Variants in DLG2 observed in about 807,000 individuals in gnomAD.
DLG2 encodes discs large MAGUK scaffold protein 2, also known as disks large homolog 2.
Under a neutral mutation model 132.5 loss-of-function variants are expected in DLG2, and 45 were observed. The observed-to-expected ratio is 0.34, with a 90% CI of 0.27 to 0.44. The LOEUF (loss-of-function observed/expected upper bound fraction) is 0.44, where lower values mean the gene tolerates loss of function less well. Ranked by LOEUF, DLG2 falls within the 20% of genes least tolerant of loss-of-function variation. DLG2 has a pLI of 1.00. For missense variants in DLG2, 1,045 were observed against 1,196.9 expected, an observed-to-expected ratio of 0.87 and a Z score of 1.87; for synonymous variants, 424 against 419.6, an observed-to-expected ratio of 1.01 and a Z score of -0.13.
chr11:84,496,716 A>G (rs757750581), intron 7 of DLG2, among the ~76,000 whole-genome samples: 1 of 152,180 alleles, frequency 6.6e-6, no homozygotes, highest in Non-Finnish European at 1.5e-5. Flanking sequence ...TTAGTATTAC[A>G]TGATTTCCAA....
intron 6 of DLG2, among the ~76,000 whole-genome samples, chr11:84,552,746 C>T (rs1363102358): frequency 6.6e-6 from 1 of 152,128 alleles, no homozygotes; most frequent in African/African-American, 2.4e-5. Flanking sequence ...TGAATATTAG[C>T]CACCTAGTAA....
At chr11:84,524,678 G>A (rs530058681) in intron 7 of DLG2, among the ~76,000 whole-genome samples, 22 of 152,114 alleles carry the variant, frequency 1.4e-4, no homozygotes, top group African/African-American at 5.1e-4. Context: ...AGAAATGAAA[G>A]GATTTTACAC....
intron 18 of DLG2, among the ~76,000 whole-genome samples, chr11:83,634,828 T>G (rs1363572770): frequency 6.6e-6 from 1 of 152,202 alleles, no homozygotes; most frequent in African/African-American, 2.4e-5. Flanking sequence ...TAAATATTTT[T>G]AAAGTTTAGT....
intron 6 of DLG2, among the ~76,000 whole-genome samples, chr11:84,673,795 T>G (rs1228093146): frequency 6.6e-6 from 1 of 152,032 alleles, no homozygotes; most frequent in Non-Finnish European, 1.5e-5. Context: ...TTTAAAAGGA[T>G]AACTTATAGG....
At chr11:85,398,684 T>C (rs1328179110) in intron 3 of DLG2, among the ~76,000 whole-genome samples, 1 of 151,916 alleles carries the variant, frequency 6.6e-6, no homozygotes, top group Non-Finnish European at 1.5e-5. Context: ...CTAGAAGAAA[T>C]GGATAAATTC....
chr11:84,979,828 C>CA (rs1330307193), intron 6 of DLG2, among the ~76,000 whole-genome samples: 261 of 145,254 alleles, frequency 1.8e-3, no homozygotes, highest in African/African-American at 4.6e-3. Flanking sequence ...AATCCTCCTT[C>CA]AAAAAAAAAA....
chr11:84,676,864 A>T (rs2099712912), intron 6 of DLG2, among the ~76,000 whole-genome samples: 1 of 151,978 alleles, frequency 6.6e-6, no homozygotes, highest in East Asian at 1.9e-4. Context: ...TGTAGGAGTA[A>T]ATTAGGATGG....
intron 2 of DLG2, among the ~76,000 whole-genome samples, chr11:85,623,901 A>G (rs1448127584): frequency 6.6e-6 from 1 of 152,220 alleles, no homozygotes; most frequent in East Asian, 1.9e-4. Flanking sequence ...ATAACACACT[A>G]TGGTCTTGCA....
rs186365433 is a variant in DLG2 at position 84,641,940 on chromosome 11, T to C, written c.358-107209A>G. On this transcript the variant is annotated intron_variant, in intron 6 of 27. Coordinates refer to ENST00000376104, the MANE Select transcript of DLG2 (RefSeq NM_001142699.3). ...TATGTTATATATACACACACACACA[T>C]ACACACATCCATACGTATATATGTA... Among the ~76,000 whole-genome samples the C allele has an allele frequency of 3.7e-3, 557 of 150,900 alleles. 3 individuals are homozygous for C. Among genetic ancestry groups the C allele is most frequent in the African/African-American group, 0.013 (540 of 41,194 alleles).
At chr11:84,185,140 G>T (rs7951073) in intron 8 of DLG2, among the ~76,000 whole-genome samples, 10 of 151,772 alleles carry the variant, frequency 6.6e-5, no homozygotes, top group Non-Finnish European at 1.0e-4. Context: ...GGATGGCATT[G>T]AATCTATAAA....
At chr11:84,070,982 C>T (rs2096747787) in intron 10 of DLG2, among the ~76,000 whole-genome samples, 1 of 152,338 alleles carries the variant, frequency 6.6e-6, no homozygotes, top group Non-Finnish European at 1.5e-5. Flanking sequence ...CAAATAATTT[C>T]ATCACCAGAA....
At chr11:85,423,850 G>T (rs2090507633) in intron 3 of DLG2, among the ~76,000 whole-genome samples, 1 of 152,054 alleles carries the variant, frequency 6.6e-6, no homozygotes, top group Admixed American at 6.6e-5. Flanking sequence ...CCCACTACCT[G>T]CATCCCAGCT....
chr11:84,120,351 C>T (rs568748319), intron 9 of DLG2, among the ~76,000 whole-genome samples: 4 of 152,168 alleles, frequency 2.6e-5, no homozygotes, highest in Admixed American at 1.3e-4. Flanking sequence ...CTTGTCTACC[C>T]CATTTATTTC....
intron 19 of DLG2, among the ~76,000 whole-genome samples, chr11:83,565,265 CTTAACTCACATCTCAAACTG>C (rs543301597): frequency 1.4e-4 from 22 of 152,296 alleles, no homozygotes; most frequent in South Asian, 1.0e-3. Context: ...TATCTGCATC[CTTAACTCACATCTCAAACTG>C]TTCACTCAGC....
At chr11:83,753,693 AATAT>A (rs1221146049) in intron 18 of DLG2, among the ~76,000 whole-genome samples, 1 of 138,766 alleles carries the variant, frequency 7.2e-6, no homozygotes, top group African/African-American at 2.9e-5. Context: ...ATCAATTTAA[AATAT>A]ATATAGTGTC....
At chr11:85,468,028 T>C (rs996620795) in intron 3 of DLG2, among the ~76,000 whole-genome samples, 4 of 152,186 alleles carry the variant, frequency 2.6e-5, no homozygotes, top group Non-Finnish European at 5.9e-5. Flanking sequence ...TTCTTCCTGG[T>C]TTAGTCTTGG....
intron 3 of DLG2, among the ~76,000 whole-genome samples, chr11:85,422,702 G>C (rs1302439025): frequency 4.6e-5 from 7 of 151,950 alleles, no homozygotes; most frequent in Non-Finnish European, 1.0e-4. Flanking sequence ...CATTGGTCAG[G>C]CTGGTCTCAA....
chr11:84,486,600 T>C (rs991678011), intron 7 of DLG2, among the ~76,000 whole-genome samples: 2 of 151,718 alleles, frequency 1.3e-5, no homozygotes, highest in Non-Finnish European at 2.9e-5. Context: ...CTGCCTCAAA[T>C]GACACTTTTT....
intron 7 of DLG2, among the ~76,000 whole-genome samples, chr11:84,263,775 A>G (rs1382232915): frequency 6.6e-6 from 1 of 152,188 alleles, no homozygotes; most frequent in Admixed American, 6.6e-5. Context: ...TTTTATATCT[A>G]GAATGATTCT....
Sources: allele counts gnomAD v4.1 joint callset (sites outside exome capture counted in the v4.1 genomes callset), GRCh38; gene constraint gnomAD v4.1.1; transcripts MANE v1.5; gene names NCBI Gene and HGNC (gene_info 2026-07-23, HGNC 2026-07-21).